The following INTS1 variants were observed in gnomAD, a reference collection of about 807,000 sequenced individuals.
INTS1 encodes the protein integrator complex subunit 1.
Under a neutral mutation model 241.6 loss-of-function variants are expected in INTS1, and 137 were observed. The observed-to-expected ratio is 0.57, with a 90% CI of 0.49 to 0.65. INTS1 has a LOEUF of 0.65. Among genes scored for constraint, INTS1 ranks in the 30% least tolerant of loss-of-function variants. INTS1 has a pLI of 0.00. For missense variants in INTS1, 3,073 were observed against 3,032.2 expected (o/e 1.01, Z -0.32); for synonymous variants, 1,692 against 1,337.8 (o/e 1.26, Z -5.78).
chr7:1,470,829 G>C lies in INTS1; in HGVS notation c.6457+17C>G. On this transcript the variant is annotated intron_variant, in intron 47 of 47. Transcript: ENST00000404767. ...CCCGAGGGCTGCCAGGGCCCTGGGC[G>C]GGGGGCCAGTCCTCACCTTGGCACA... 1 of 1,559,488 alleles carries C rather than the reference G, an allele frequency of 6.4e-7. No homozygotes were observed. Among genetic ancestry groups the C allele is most frequent in the Non-Finnish European group, 8.7e-7 (1 of 1,150,144 alleles).
At chr7:1,479,230 C>G (rs907592786) in intron 31 of INTS1, among the ~76,000 whole-genome samples, 200 bp downstream of exon 31, 4 of 152,230 alleles carry the variant, frequency 2.6e-5, no homozygotes, top group African/African-American at 9.6e-5. Context: ...GCGGACGCCG[C>G]ACTGCCCCCA....
chr7:1,503,868 G>GA, intron 2 of INTS1, 35 bp downstream of exon 2: 1 of 1,509,078 alleles, frequency 6.6e-7, no homozygotes, highest in Non-Finnish European at 9.0e-7. Context: ...GACCCCCAAA[G>GA]ACCCCCGGGC....
In INTS1 at chr7:1,497,171, G is replaced by C. The variant is rs1163814904; in HGVS notation, c.1569C>G (p.Arg523=). The C allele has an allele frequency of 1.2e-5, 19 of 1,609,862 alleles. No individual in the cohort carries two copies. The highest frequency in any genetic ancestry group is 1.6e-5 in the Non-Finnish European group (19 of 1,178,666). The change falls in exon 11 of 48, where the codon CGC becomes CGG. Residue 523 remains arginine, a synonymous_variant. Coordinates refer to ENST00000404767, the MANE Select transcript of INTS1 (RefSeq NM_001080453.3). This position sits in a 1 kb window ranked among gnomAD's most constrained non-coding sequence, Gnocchi z 5.3. The part of the protein sequence containing the change: ...QAFCLGLMQE[R]KEPQYLEMEF... The stretch of plus-strand genomic sequence containing the variant: ...CCATCTCCAGGTACTGCGGCTCCTT[G>C]CGCTCCTGCATGAGCCCCAGGCAGA...
chr7:1,482,385 C>T, intron 27 of INTS1, 161 bp downstream of exon 27: 1 of 636,594 alleles, frequency 1.6e-6, no homozygotes, highest in South Asian at 2.5e-5. Context: ...TCCAGCACAG[C>T]CTGCTGTGGC....
Position 1,497,415 on chromosome 7 carries a change from C to CAT in INTS1, c.1426-102_1426-101insAT. ...ACAGGTATGGCGCCCGAGGGCGCTG[C>CAT]AGTGGGTCTCAGACAGTGTGGGGTG... On this transcript the variant is annotated intron_variant, in intron 10 of 47. Coordinates refer to ENST00000404767, the MANE Select transcript of INTS1 (RefSeq NM_001080453.3). This position sits in a 1 kb window ranked among gnomAD's most constrained non-coding sequence, Gnocchi z 5.3. 1.6e-6 allele frequency: 2 copies of CAT among 1,254,548 alleles called. No individual in the cohort carries two copies. Among genetic ancestry groups the CAT allele is most frequent in the Non-Finnish European group, 2.2e-6 (2 of 919,798 alleles). The allele number at this position is 1,254,548 out of a possible 1,614,324, so 77.7% of individuals were successfully genotyped here. A position where few individuals can be genotyped will look rare whatever the true frequency, so the allele number is the denominator to read the frequency against.
intron 30 of INTS1, 129 bp from the exon 31 acceptor site, chr7:1,479,813 C>T (rs1781909402): frequency 9.3e-7 from 1 of 1,077,836 alleles, no homozygotes; most frequent in Non-Finnish European, 1.3e-6. Context: ...CATTCGTAGC[C>T]CCCACCTTGT....
intron 2 of INTS1, 30 bp downstream of exon 2, chr7:1,503,873 C>CCAAAGACCCT (rs1427349477): frequency 6.5e-7 from 1 of 1,540,288 alleles, no homozygotes; most frequent in Non-Finnish European, 8.8e-7. Flanking sequence ...CCAAAGACCC[C>CCAAAGACCCT]CGGGCTGCAG....
chr7:1,494,745 C>T (rs988209962), intron 14 of INTS1, 71 bp downstream of exon 14: 99 of 1,477,478 alleles, frequency 6.7e-5, no homozygotes, highest in South Asian at 2.5e-4. Flanking sequence ...CCCTTCCTGC[C>T]GCAGCCGGCC....
At chr7:1,480,745 G>A in intron 29 of INTS1, 90 bp downstream of exon 29, 1 of 1,076,472 alleles carries the variant, frequency 9.3e-7, no homozygotes, top group Non-Finnish European at 1.4e-6. Flanking sequence ...GGCTGTGCAG[G>A]CCCCGTCCCC....
intron 2 of INTS1, 57 bp downstream of exon 2, chr7:1,503,846 A>AAGACCCCCAAAGACCCCCAC: frequency 8.2e-7 from 1 of 1,226,590 alleles, no homozygotes; most frequent in African/African-American, 1.7e-5. Flanking sequence ...GAGATCCCCA[A>AAGACCCCCAAAGACCCCCAC]AGACCCCCAA....
chr7:1,492,299 G>A (rs1782591581), intron 16 of INTS1, among the ~76,000 whole-genome samples: 1 of 152,210 alleles, frequency 6.6e-6, no homozygotes, highest in South Asian at 2.1e-4. Context: ...CTACAGCACA[G>A]GTGACCCCGG....
intron 44 of INTS1, 56 bp from the exon 45 acceptor site, chr7:1,471,697 ACCCCACC>A: frequency 6.4e-7 from 1 of 1,556,956 alleles, no homozygotes; most frequent in Non-Finnish European, 8.8e-7. Flanking sequence ...ACCTCTGCCC[ACCCCACC>A]CCAGCCACCC....
chr7:1,488,317 G>A lies in INTS1; in HGVS notation c.2319-360C>T, dbSNP rs372448141. Among the ~76,000 whole-genome samples the A allele has an allele frequency of 1.2e-4, 19 of 152,148 alleles. 1 individual carries two copies. Among genetic ancestry groups the A allele is most frequent in the Non-Finnish European group, 8.8e-5 (6 of 68,020 alleles). ...TTTGACAGCCATGTAGGCTCTGCCC[G>A]CCCCATCCAGGGACAGACCTGCAGG... On this transcript the variant is annotated intron_variant, in intron 18 of 47. Coordinates refer to ENST00000404767, the MANE Select transcript of INTS1 (RefSeq NM_001080453.3).
Position 1,487,826 on chromosome 7 carries a change from G to T in INTS1, c.2450C>A (p.Ser817Tyr). 2 of 1,613,004 alleles carry T rather than the reference G, an allele frequency of 1.2e-6. No individual in the cohort carries two copies. The highest frequency in any genetic ancestry group is 1.7e-6 in the Non-Finnish European group (2 of 1,179,844). ...LAFEGHLAAA[S>Y]TKQTITESSS... ...GCTCTCAGTGATGGTCTGCTTGGTG[G>T]ACGCGGCCGCCAGGTGCCCCTCGAA... The change falls in exon 19 of 48, where the codon TCC becomes TAC. Residue 817 changes from serine (S) to tyrosine (Y), a missense_variant. Ser to Tyr is a moderately radical substitution (Grantham distance 144). Coordinates refer to ENST00000404767, the MANE Select transcript of INTS1 (RefSeq NM_001080453.3).
chr7:1,499,519 C>T lies in INTS1; in HGVS notation c.798G>A (p.Val266=), dbSNP rs1315433332. The T allele has an allele frequency of 2.5e-6, 4 of 1,612,058 alleles. No homozygotes were observed. In the Admixed American group the frequency reaches 5.0e-5, roughly 20 times the overall value. Residue 266 remains valine (V), a synonymous_variant, in exon 6 of 48, where the codon GTG becomes GTA. Transcript: ENST00000404767. ...CGCGGCCCGCCTCCCCCTGCAGCAGCACGCTCCTGGGGGGCATTCTGGTGT... is the reference window on the plus strand; with the variant it reads ...CGCGGCCCGCCTCCCCCTGCAGCAGTACGCTCCTGGGGGGCATTCTGGTGT... The part of the protein sequence containing the change: ...AFNTRMPPRS[V]LLQGEAGRVA...
chr7:1,487,267 G>C, intron 20 of INTS1, 53 bp downstream of exon 20: 11 of 1,550,724 alleles, frequency 7.1e-6, no homozygotes, highest in East Asian at 2.4e-5. Context: ...CCTCCGGAAG[G>C]TTCCGGGCCT....
chr7:1,484,183 CA>C lies in INTS1; in HGVS notation c.3262-14del, dbSNP rs748837019. ...GCCGGGCCACGTCCTGGTGTGTGGA[CA>C]GGGGGGCGTCAGAGGCTCCGAGACA... On this transcript the variant is annotated splice_polypyrimidine_tract_variant and intron_variant, in intron 24 of 47. Transcript: ENST00000404767. 23 of 1,599,276 alleles carry C rather than the reference CA, an allele frequency of 1.4e-5. No homozygotes were observed. The highest frequency in any genetic ancestry group is 1.1e-4 in the East Asian group (5 of 44,502).
At chr7:1,471,962 C>T (rs1322880853) in intron 44 of INTS1, among the ~76,000 whole-genome samples, 4 of 152,310 alleles carry the variant, frequency 2.6e-5, no homozygotes, top group African/African-American at 7.2e-5. Flanking sequence ...CAGCGGCCAC[C>T]GGTACTGCCC....
In INTS1 at chr7:1,503,019, G is replaced by A. The variant is rs368653049; in HGVS notation, c.231C>T (p.Arg77=). The A allele has an allele frequency of 5.6e-6, 9 of 1,613,728 alleles. No homozygotes were observed. The African/African-American group carries it at 1.2e-4, about 22-fold the overall frequency. The part of the protein sequence containing the change: ...SASALTGLTK[R]PKLSSTPPLS... Reference sequence around the variant, plus strand: ...GAGGGGGTGTGGAGGAGAGTTTGGGGCGTTTGGTGAGACCGGTGAGGGCCG... The same window carrying A: ...GAGGGGGTGTGGAGGAGAGTTTGGGACGTTTGGTGAGACCGGTGAGGGCCG... The change falls in exon 3 of 48, where the codon CGC becomes CGT. Residue 77 remains arginine, a synonymous_variant. Coordinates refer to ENST00000404767, the MANE Select transcript of INTS1 (RefSeq NM_001080453.3).
Sources: gnomAD v4.1 joint callset for allele counts (sites outside exome capture counted in the v4.1 genomes callset) on GRCh38, gnomAD v4.1.1 for gene constraint, Gnocchi (gnomAD v3.1) non-coding constraint, MANE v1.5 for transcripts, NCBI Gene and HGNC (gene_info 2026-07-23, HGNC 2026-07-21) for gene names.